Variants in CNOT10 observed in about 807,000 individuals in gnomAD.
CNOT10 encodes CCR4-NOT transcription complex, subunit 10.
A neutral mutation model predicts 94.6 loss-of-function variants in CNOT10; 30 were observed. The observed-to-expected ratio is 0.32, with a 90% CI of 0.24 to 0.43. CNOT10 has a LOEUF of 0.43. CNOT10 is among the 20% of genes least tolerant of loss of function. CNOT10 has a pLI of 1.00. For synonymous variants in CNOT10, 289 were observed against 301.6 expected (o/e 0.96, Z 0.43); for missense variants, 759 against 877.2 (o/e 0.87, Z 1.70).
chr3:32,724,603 G>A (rs373269938), intron 8 of CNOT10, among the ~76,000 whole-genome samples: 109 of 152,122 alleles, frequency 7.2e-4, no homozygotes, highest in South Asian at 3.5e-3. Flanking sequence ...TAGTAGAGAC[G>A]GGGTTTCACC....
chr3:32,758,337 T>G (rs1236619988), intron 13 of CNOT10, among the ~76,000 whole-genome samples: 5 of 152,152 alleles, frequency 3.3e-5, no homozygotes, highest in Non-Finnish European at 5.9e-5. Flanking sequence ...GGGGCTGCCT[T>G]TCTAAGATTC....
intron 7 of CNOT10, among the ~76,000 whole-genome samples, chr3:32,717,532 A>G (rs1387525494): frequency 3.3e-5 from 5 of 152,086 alleles, no homozygotes; most frequent in Admixed American, 2.0e-4. Flanking sequence ...CATTTTGCTA[A>G]TATTAGACAT....
intron 8 of CNOT10, among the ~76,000 whole-genome samples, chr3:32,721,429 C>CTTTTTTTTTTTTTTTTT (rs58351356): frequency 3.3e-4 from 24 of 72,580 alleles, no homozygotes; most frequent in East Asian, 1.1e-3. Flanking sequence ...TTTCTTTCAT[C>CTTTTTTTTTTTTTTTTT]TTTTTTTTTT....
At chr3:32,738,339 T>G (rs1699286305) in intron 13 of CNOT10, among the ~76,000 whole-genome samples, 1 of 152,202 alleles carries the variant, frequency 6.6e-6, no homozygotes, top group Non-Finnish European at 1.5e-5. Context: ...GGACAGGTAT[T>G]ACTTCTTCCT....
chr3:32,762,101 T>G (rs1306913965), intron 14 of CNOT10, among the ~76,000 whole-genome samples: 1 of 150,670 alleles, frequency 6.6e-6, no homozygotes, highest in Non-Finnish European at 1.5e-5. Flanking sequence ...AAAGTTTAGT[T>G]TGTGGTGGTG....
chr3:32,685,555 G>A lies in CNOT10; in HGVS notation c.22+73G>A, dbSNP rs573698932. 172 of 1,524,282 alleles carry A rather than the reference G, an allele frequency of 1.1e-4. 1 individual carries two copies. The South Asian group carries it at 1.9e-3, about 17-fold the overall frequency. The allele number at this position is 1,524,282 out of a possible 1,614,324, so 94.4% of individuals were successfully genotyped here. On this transcript the variant is annotated intron_variant, in intron 1 of 18. Coordinates refer to ENST00000328834, the MANE Select transcript of CNOT10 (RefSeq NM_015442.3). ...CGGGCGGACCCTGAACTCGGAGGCG[G>A]CGGGGCCCGGGGTGGGGACTCCAGG...
chr3:32,753,870 A>G (rs1396291009), intron 13 of CNOT10: 21 of 1,404,848 alleles, frequency 1.5e-5, no homozygotes, highest in Non-Finnish European at 1.9e-5. Context: ...GTTGAAATCA[A>G]TCCTGATGAT....
rs1697970882 is a variant in CNOT10, at chr3:32,713,360, A to G, written c.564A>G (p.Gly188=). 6.3e-7 allele frequency: 1 copy of G among 1,595,160 alleles called. No homozygotes were observed. ...CACAGGGTAACAATAACAAAAATGG[A>G]AAGAATGAGGTGAGTCTTTAGAGGT... ...MISQGNNNKN[G]KNETGNNNNK... Residue 188 remains glycine (G), a synonymous_variant, in exon 5 of 19, where the codon GGA becomes GGG. Coordinates refer to ENST00000328834, the MANE Select transcript of CNOT10 (RefSeq NM_015442.3).
chr3:32,726,228 G>A (rs979168431), intron 9 of CNOT10, among the ~76,000 whole-genome samples: 1 of 152,114 alleles, frequency 6.6e-6, no homozygotes, highest in Non-Finnish European at 1.5e-5. Context: ...ACAAGCATAA[G>A]CCACTGTGCC....
intron 13 of CNOT10, among the ~76,000 whole-genome samples, chr3:32,756,742 G>A (rs1469704656): frequency 6.6e-6 from 1 of 152,192 alleles, no homozygotes; most frequent in Non-Finnish European, 1.5e-5. Flanking sequence ...GTCTGTGTAG[G>A]AAACCACAGA....
intron 13 of CNOT10, among the ~76,000 whole-genome samples, chr3:32,744,437 G>T (rs1699608459): frequency 6.6e-6 from 1 of 151,974 alleles, no homozygotes; most frequent in African/African-American, 2.4e-5. Flanking sequence ...TATGATACGG[G>T]TTTATAGCCC....
intron 17 of CNOT10, chr3:32,769,376 C>G (rs1335848049): frequency 6.1e-6 from 1 of 162,726 alleles, no homozygotes; most frequent in Non-Finnish European, 1.4e-5. Flanking sequence ...TTACTCAGAT[C>G]TAAGGGCAGC....
chr3:32,737,337 C>G, intron 12 of CNOT10, 73 bp from the exon 13 acceptor site: 1 of 1,117,436 alleles, frequency 8.9e-7, no homozygotes, highest in Non-Finnish European at 1.3e-6. Context: ...GGAGTAAGGA[C>G]AGGGAAACAA....
intron 8 of CNOT10, among the ~76,000 whole-genome samples, chr3:32,722,552 T>C (rs1208103808): frequency 1.3e-5 from 2 of 152,188 alleles, no homozygotes; most frequent in Admixed American, 6.5e-5. Context: ...AAGTGGTGGC[T>C]CATGCCTGTA....
intron 13 of CNOT10, among the ~76,000 whole-genome samples, chr3:32,757,101 G>A (rs1290462435): frequency 1.0e-4 from 13 of 129,782 alleles, no homozygotes; most frequent in South Asian, 5.1e-4. Flanking sequence ...GCAAGACTCC[G>A]TCTCAAAAGA....
intron 4 of CNOT10, among the ~76,000 whole-genome samples, chr3:32,711,458 TTTC>T (rs1170019372): frequency 6.6e-6 from 1 of 152,210 alleles, no homozygotes; most frequent in African/African-American, 2.4e-5. Flanking sequence ...AACTTTTTTT[TTTC>T]TTCTAACATT....
intron 7 of CNOT10, among the ~76,000 whole-genome samples, chr3:32,718,983 G>A (rs1182272744): frequency 6.6e-6 from 1 of 152,152 alleles, no homozygotes; most frequent in Admixed American, 6.5e-5. Flanking sequence ...GGGCATGGTG[G>A]CTCACGCCTG....
At chr3:32,747,928 CAG>C (rs1699775777) in intron 13 of CNOT10, among the ~76,000 whole-genome samples, 1 of 152,048 alleles carries the variant, frequency 6.6e-6, no homozygotes, top group Admixed American at 6.6e-5. Flanking sequence ...AGCCCAGCGA[CAG>C]AGCAAGACTC....
chr3:32,733,190 T>C (rs1699032707), intron 10 of CNOT10, among the ~76,000 whole-genome samples: 1 of 152,186 alleles, frequency 6.6e-6, no homozygotes, highest in South Asian at 2.1e-4. Flanking sequence ...TGGATTTTGT[T>C]CGTAGAATTT....
Sources: allele counts gnomAD v4.1 joint callset (sites outside exome capture counted in the v4.1 genomes callset), GRCh38; gene constraint gnomAD v4.1.1; transcripts MANE v1.5; gene names NCBI Gene and HGNC (gene_info 2026-07-23, HGNC 2026-07-21).